Variants in CCDC110 observed in about 807,000 individuals in gnomAD.
CCDC110 encodes the protein coiled-coil domain-containing protein 110.
Under a neutral mutation model 77.1 loss-of-function variants are expected in CCDC110, and 70 were observed. That is an observed-to-expected ratio of 0.91 (90% CI 0.75 to 1.11). CCDC110 has a LOEUF of 1.11. Ranked by LOEUF, CCDC110 falls within the 50% of genes least tolerant of loss-of-function variation. The pLI is 0.00. For missense variants in CCDC110, 868 were observed against 942.9 expected (o/e 0.92, Z 1.04); for synonymous variants, 295 against 312.5 (o/e 0.94, Z 0.59).
intron 6 of CCDC110, among the ~76,000 whole-genome samples, chr4:185,456,071 C>G (rs2095635608): frequency 6.6e-6 from 1 of 152,098 alleles, no homozygotes; most frequent in South Asian, 2.1e-4. Flanking sequence ...ATTTATAGAA[C>G]ACTCCAGTTC....
intron 6 of CCDC110, among the ~76,000 whole-genome samples, chr4:185,448,264 G>T (rs992629887): frequency 6.6e-6 from 1 of 152,162 alleles, no homozygotes; most frequent in South Asian, 2.1e-4. Context: ...CAGGTGATCC[G>T]CCCGCCTCAG....
intron 6 of CCDC110, chr4:185,457,687 T>G (rs1391914863): frequency 2.3e-6 from 2 of 869,314 alleles, no homozygotes; most frequent in African/African-American, 3.6e-5. Context: ...ACCAGGTTAA[T>G]GTAATCACAT....
intron 2 of CCDC110, among the ~76,000 whole-genome samples, chr4:185,466,340 A>T (rs1034995581): frequency 6.6e-6 from 1 of 152,082 alleles, no homozygotes; most frequent in Non-Finnish European, 1.5e-5. Context: ...GTGCCACTGC[A>T]CTCCAGCCTG....
intron 5 of CCDC110, chr4:185,460,802 C>T (rs983527814): frequency 2.8e-5 from 11 of 390,412 alleles, no homozygotes; most frequent in African/African-American, 1.7e-4. Context: ...TGAATTTACT[C>T]GGGAATCTTT....
Position 185,458,479 on chromosome 4 carries a change from A to T in CCDC110, c.2108T>A (p.Met703Lys), listed in dbSNP as rs771266959. The part of the protein sequence containing the change: ...SLSEIGKECE[M>K]LSKMVMETKT... ...GGTTTCCATTACCATTTTTGATAACATTTCACATTCCTTGCCAATTTCTGA... is the reference window on the plus strand; with the variant it reads ...GGTTTCCATTACCATTTTTGATAACTTTTCACATTCCTTGCCAATTTCTGA... Residue 703 changes from methionine (M) to lysine (K), a missense_variant, in exon 6 of 7, where the codon ATG becomes AAG. By Grantham distance (95) the Met-to-Lys change is moderately conservative. Coordinates refer to ENST00000307588, the MANE Select transcript of CCDC110 (RefSeq NM_152775.4). 1 of 1,602,788 alleles carries T rather than the reference A, an allele frequency of 6.2e-7. No individual in the cohort carries two copies. The highest frequency in any genetic ancestry group is 1.7e-5 in the Admixed American group (1 of 57,772).
At chr4:185,458,079 A>G (rs780788460) in intron 6 of CCDC110, 47 bp downstream of exon 6, 7 of 1,316,956 alleles carry the variant, frequency 5.3e-6, no homozygotes, top group Non-Finnish European at 7.2e-6. Flanking sequence ...CCAATAGGCT[A>G]AAAGAATCTT....
intron 6 of CCDC110, among the ~76,000 whole-genome samples, chr4:185,455,287 C>G (rs1040657138): frequency 2.6e-5 from 4 of 151,942 alleles, no homozygotes; most frequent in Non-Finnish European, 5.9e-5. Context: ...TAGTTATTTT[C>G]TTAATACTTT....
At chr4:185,470,491 G>T (rs1195265412) in intron 2 of CCDC110, 2 of 343,726 alleles carry the variant, frequency 5.8e-6, no homozygotes, top group East Asian at 1.5e-4. Flanking sequence ...ATCTGTGGTT[G>T]GTTGAATCCA....
chr4:185,467,324 A>G (rs142793928), intron 2 of CCDC110, among the ~76,000 whole-genome samples: 147 of 152,332 alleles, frequency 9.6e-4, no homozygotes, highest in African/African-American at 3.5e-3. Flanking sequence ...TATGAGTTTC[A>G]GAGACATCGG....
rs889689140 is a variant in CCDC110 at position 185,468,578 on chromosome 4, C to T, written c.115+2367G>A. ...AGCAACCGTTCCTCAATCACACCAGCCACGCTCCCACCACAGGGTCTTTGC... is the reference window on the plus strand; with the variant it reads ...AGCAACCGTTCCTCAATCACACCAGTCACGCTCCCACCACAGGGTCTTTGC... On this transcript the variant is annotated intron_variant, in intron 2 of 6. Coordinates refer to ENST00000307588, the MANE Select transcript of CCDC110 (RefSeq NM_152775.4). The surrounding 1 kb of genome is among the most constrained non-coding windows in gnomAD (Gnocchi z 4.5). Among the ~76,000 whole-genome samples the T allele has an allele frequency of 6.6e-6, 1 of 152,180 alleles. No homozygotes were observed. The highest frequency in any genetic ancestry group is 1.5e-5 in the Non-Finnish European group (1 of 68,040).
intron 2 of CCDC110, among the ~76,000 whole-genome samples, chr4:185,467,380 A>G (rs927500585): frequency 3.3e-5 from 5 of 152,228 alleles, no homozygotes; most frequent in Admixed American, 6.5e-5. Flanking sequence ...ACTAGGCAAT[A>G]CTTAGTCACA....
At chr4:185,464,305 G>A (rs1458663099) in intron 2 of CCDC110, among the ~76,000 whole-genome samples, 1 of 152,128 alleles carries the variant, frequency 6.6e-6, no homozygotes, top group East Asian at 1.9e-4. Context: ...AAGGGGCAAC[G>A]CTGGTTTGGA....
chr4:185,471,044 G>A lies in CCDC110; in HGVS notation c.16C>T (p.Gln6Ter), dbSNP rs1410713881. The A allele has an allele frequency of 4.6e-6, 7 of 1,536,446 alleles. No individual in the cohort carries two copies. The highest frequency in any genetic ancestry group is 4.4e-6 in the Non-Finnish European group (5 of 1,143,036). Residue 6 changes from glutamine (Q) to a stop codon, truncating the protein, a stop_gained, in exon 2 of 7, where the codon CAG becomes TAG. Coordinates refer to ENST00000307588, the MANE Select transcript of CCDC110 (RefSeq NM_152775.4). LOFTEE classifies it high-confidence loss of function. MSPEK[Q>*]HREEDEVDSV... ...TCAACTTCATCCTCTTCCCGGTGCT[G>A]CTTTTCTGTAACAGAACCGTCCGGG...
chr4:185,449,522 TAAAA>T, intron 6 of CCDC110: 1 of 827,058 alleles, frequency 1.2e-6, no homozygotes, highest in Non-Finnish European at 1.8e-6. Flanking sequence ...GACCCGGTCT[TAAAA>T]AAAAAAAAGA....
At chr4:185,453,968 C>T (rs762904669) in intron 6 of CCDC110, among the ~76,000 whole-genome samples, 1 of 152,040 alleles carries the variant, frequency 6.6e-6, no homozygotes, top group Non-Finnish European at 1.5e-5. Flanking sequence ...CGCCTGCCAA[C>T]CAAGCCCAGC....
At chr4:185,461,708 G>C (rs569999512) in intron 4 of CCDC110, among the ~76,000 whole-genome samples, 2 of 152,198 alleles carry the variant, frequency 1.3e-5, no homozygotes, top group Non-Finnish European at 2.9e-5. Context: ...ACTAGTCAGG[G>C]AACAGCGGCC....
Position 185,468,533 on chromosome 4 carries a change from T to C in CCDC110, c.115+2412A>G, listed in dbSNP as rs1164601730. Among the ~76,000 whole-genome samples the C allele has an allele frequency of 1.3e-5, 2 of 152,178 alleles. No homozygotes were observed. Among genetic ancestry groups the C allele is most frequent in the African/African-American group, 4.8e-5 (2 of 41,440 alleles). ...TTCCTCCCGCCTACCCTTCCCTACT[T>C]GTTCTGCTCCATTTACAAGAGCAAC... On this transcript the variant is annotated intron_variant, in intron 2 of 6. Transcript: ENST00000307588. The surrounding 1 kb of genome is among the most constrained non-coding windows in gnomAD (Gnocchi z 4.5).
rs2095607169 is a variant in CCDC110 at position 185,445,291 on chromosome 4, C to T, written c.*211G>A. On this transcript the variant is annotated 3_prime_UTR_variant, in exon 7 of 7. Transcript: ENST00000307588. ...CTTCCATGTACAGGTACCTGCCCTC[C>T]CTTGTAGAAGTTCTCCCCCATCTTC... The T allele has an allele frequency of 2.7e-6, 2 of 728,562 alleles. No homozygotes were observed. The highest frequency in any genetic ancestry group is 4.2e-5 in the South Asian group (2 of 47,212). 45.1% of individuals were successfully genotyped at this position (728,562 alleles called of 1,614,324 possible). A position where few individuals can be genotyped will look rare whatever the true frequency, so the allele number is the denominator to read the frequency against.
rs528940224 is a variant in CCDC110, at chr4:185,466,673, G to A, written c.116-3624C>T. On this transcript the variant is annotated intron_variant, in intron 2 of 6. Coordinates refer to ENST00000307588, the MANE Select transcript of CCDC110 (RefSeq NM_152775.4). Reference sequence around the variant, plus strand: ...CAGCCTCCACCTCCAAGGCTCAAGCGATCCTCCCATGTCAGCCTCCGGAGT... The same window carrying A: ...CAGCCTCCACCTCCAAGGCTCAAGCAATCCTCCCATGTCAGCCTCCGGAGT... Among the ~76,000 whole-genome samples, 74 of 152,116 alleles carry A rather than the reference G, an allele frequency of 4.9e-4. No homozygotes were observed. The Middle Eastern group carries it at 0.014, about 28-fold the overall frequency.
Sources: allele counts gnomAD v4.1 joint callset (sites outside exome capture counted in the v4.1 genomes callset), GRCh38; gene constraint gnomAD v4.1.1; non-coding constraint Gnocchi (gnomAD v3.1); transcripts MANE v1.5; gene names NCBI Gene and HGNC (gene_info 2026-07-23, HGNC 2026-07-21).